CDH13: variants seen among roughly 807,000 people sequenced by gnomAD.
CDH13 encodes cadherin 13.
Under a neutral mutation model 63.8 loss-of-function variants are expected in CDH13, and 24 were observed. The ratio of observed to expected loss-of-function variants is 0.38; its 90% confidence interval spans 0.27 to 0.53. The LOEUF (loss-of-function observed/expected upper bound fraction) is 0.53. CDH13 is among the 20% of genes least tolerant of loss of function. The pLI, the probability that CDH13 is intolerant of heterozygous loss-of-function variation, is 0.85. For missense variants in CDH13, 1,049 were observed against 903.1 expected, an observed-to-expected ratio of 1.16 and a Z score of -2.07; for synonymous variants, 503 against 355.3, an observed-to-expected ratio of 1.42 and a Z score of -4.67.
intron 5 of CDH13, among the ~76,000 whole-genome samples, chr16:83,304,517 C>G (rs530948159): frequency 2.1e-4 from 32 of 152,112 alleles, no homozygotes. Context: ...TAAGAGCTGG[C>G]TACTCAGATT....
intron 1 of CDH13, among the ~76,000 whole-genome samples, chr16:82,844,001 T>G (rs2039143048): frequency 6.6e-6 from 1 of 152,194 alleles, no homozygotes; most frequent in African/African-American, 2.4e-5. Flanking sequence ...CTTATAGAAC[T>G]TTCCTTTCCC....
At chr16:82,772,261 T>G (rs1785102240) in intron 1 of CDH13, among the ~76,000 whole-genome samples, 1 of 152,026 alleles carries the variant, frequency 6.6e-6, no homozygotes, top group Admixed American at 6.5e-5. Context: ...GTTCAGTAAA[T>G]ATTTACTGGC....
chr16:83,113,330 A>T (rs1009481328), intron 3 of CDH13, among the ~76,000 whole-genome samples: 1 of 152,244 alleles, frequency 6.6e-6, no homozygotes, highest in African/African-American at 2.4e-5. Context: ...CTTATTAGAC[A>T]CAATCGTGGA....
chr16:82,964,995 C>G (rs1032334947), intron 2 of CDH13, among the ~76,000 whole-genome samples: 1 of 152,182 alleles, frequency 6.6e-6, no homozygotes, highest in Non-Finnish European at 1.5e-5. Context: ...GGTGGAAGCA[C>G]CAGGTGATGT....
At chr16:83,743,609 T>C (rs778544429) in intron 10 of CDH13, among the ~76,000 whole-genome samples, 1 of 152,192 alleles carries the variant, frequency 6.6e-6, no homozygotes, top group Non-Finnish European at 1.5e-5. Context: ...TTATTTATCT[T>C]CTAAACTGAG....
chr16:82,727,405 T>G (rs377616656), intron 1 of CDH13: 2 of 152,170 alleles, frequency 1.3e-5, no homozygotes, highest in Non-Finnish European at 2.9e-5. Context: ...ATCACAAATG[T>G]CTGTGATGCA....
chr16:83,206,019 A>G (rs2039172095), intron 4 of CDH13, among the ~76,000 whole-genome samples: 1 of 152,090 alleles, frequency 6.6e-6, no homozygotes, highest in Non-Finnish European at 1.5e-5. Context: ...TACAGTGAGA[A>G]CAGCCTTGTG....
At chr16:83,608,090 A>G (rs946023140) in intron 8 of CDH13, among the ~76,000 whole-genome samples, 1 of 152,198 alleles carries the variant, frequency 6.6e-6, no homozygotes, top group African/African-American at 2.4e-5. Context: ...AAAATTTCAA[A>G]TTTCATTTTC....
chr16:82,749,221 G>A (rs559061019), intron 1 of CDH13, among the ~76,000 whole-genome samples: 5 of 152,146 alleles, frequency 3.3e-5, no homozygotes, highest in East Asian at 1.9e-4. Flanking sequence ...CAGACCTTAC[G>A]GTGTTATTCA....
At chr16:83,384,124 A>G (rs1191922601) in intron 6 of CDH13, among the ~76,000 whole-genome samples, 1 of 152,216 alleles carries the variant, frequency 6.6e-6, no homozygotes. Flanking sequence ...TCAAACTGAT[A>G]TCTCCAATTC....
intron 5 of CDH13, among the ~76,000 whole-genome samples, chr16:83,270,622 GCATGAAGGCCCTCATTGACACA>G (rs2088773877): frequency 6.6e-6 from 1 of 152,280 alleles, no homozygotes; most frequent in East Asian, 1.9e-4. Context: ...CTGTATGTGT[GCATGAAGGCCCTCATTGACACA>G]GATTCAGCAC....
intron 2 of CDH13, among the ~76,000 whole-genome samples, chr16:83,028,473 T>A (rs938201265): frequency 6.6e-6 from 1 of 152,198 alleles, no homozygotes; most frequent in South Asian, 2.1e-4. Context: ...TCTTCAGGAC[T>A]GGGCAGGAAC....
chr16:83,751,873 C>T (rs750413725), intron 11 of CDH13, among the ~76,000 whole-genome samples: 1 of 152,206 alleles, frequency 6.6e-6, no homozygotes, highest in Non-Finnish European at 1.5e-5. Flanking sequence ...TTCTTGTTTT[C>T]GGAGGGTGGG....
chr16:82,915,280 T>G (rs1174015553), intron 2 of CDH13, among the ~76,000 whole-genome samples: 1 of 152,222 alleles, frequency 6.6e-6, no homozygotes, highest in Non-Finnish European at 1.5e-5. Context: ...TGTAACAGGC[T>G]AATGCATGCC....
chr16:83,630,860 G>A (rs1376219510), intron 8 of CDH13, among the ~76,000 whole-genome samples: 1 of 152,104 alleles, frequency 6.6e-6, no homozygotes. Context: ...AAATAAAATG[G>A]GAGCAGGTTT....
At chr16:82,971,330 T>A (rs1348876701) in intron 2 of CDH13, among the ~76,000 whole-genome samples, 1 of 152,226 alleles carries the variant, frequency 6.6e-6, no homozygotes, top group Non-Finnish European at 1.5e-5. Flanking sequence ...ATTCCTGTTC[T>A]CTTATTCTCA....
intron 1 of CDH13, among the ~76,000 whole-genome samples, chr16:82,679,589 G>C (rs932052000): frequency 6.6e-6 from 1 of 152,136 alleles, no homozygotes; most frequent in African/African-American, 2.4e-5. Flanking sequence ...ACTCACTCAC[G>C]CTCCTGCATC....
At position 83,238,630 on chromosome 16, in the gene CDH13, G is replaced by C. The variant is rs573719501; in HGVS notation, c.636+21133G>C. 8.5e-5 allele frequency among the ~76,000 whole-genome samples: 13 copies of C among 152,256 alleles called. 2 individuals are homozygous for C. In the South Asian group the frequency reaches 2.7e-3, roughly 32 times the overall value. On this transcript the variant is annotated intron_variant, in intron 5 of 13. Transcript: ENST00000567109. ...TTTGTTTCTTACCTAGGTTGGTTCTGGGTAGGTTCTGGACTGGATTGGCAG... is the reference window on the plus strand; with the variant it reads ...TTTGTTTCTTACCTAGGTTGGTTCTCGGTAGGTTCTGGACTGGATTGGCAG...
chr16:83,463,811 A>C (rs1305104321), intron 6 of CDH13, among the ~76,000 whole-genome samples: 2 of 152,074 alleles, frequency 1.3e-5, no homozygotes, highest in East Asian at 3.9e-4. Flanking sequence ...TCTCCAAAAA[A>C]AGCAAAGAAA....
Sources: gnomAD v4.1 joint callset for allele counts (sites outside exome capture counted in the v4.1 genomes callset) on GRCh38, gnomAD v4.1.1 for gene constraint, MANE v1.5 for transcripts, NCBI Gene and HGNC (gene_info 2026-07-23, HGNC 2026-07-21) for gene names.